The following RSF1 variants were observed in gnomAD, a reference collection of about 807,000 sequenced individuals.
RSF1 encodes HBV pX-associated protein 8.
RSF1 carries 13 observed loss-of-function variants against 145.2 expected under a neutral mutation model. That is an observed-to-expected ratio of 0.09 (90% CI 0.06 to 0.14). The LOEUF (loss-of-function observed/expected upper bound fraction) is 0.14. RSF1 is among the 10% of genes least tolerant of loss of function. The pLI, the probability that RSF1 is intolerant of heterozygous loss-of-function variation, is 1.00. For missense variants in RSF1, 1,517 were observed against 1,718.2 expected, an observed-to-expected ratio of 0.88 and a Z score of 2.07; for synonymous variants, 577 against 592.6, an observed-to-expected ratio of 0.97 and a Z score of 0.38.
chr11:77,697,448 AT>A (rs1190443913), intron 7 of RSF1, among the ~76,000 whole-genome samples: 1 of 29,218 alleles, frequency 3.4e-5, no homozygotes, highest in African/African-American at 2.5e-4. Flanking sequence ...ATATATATAT[AT>A]AAATATATTA....
At chr11:77,865,197 G>T in the RSF1 span, among the ~76,000 whole-genome samples, 3 of 152,114 alleles carry the variant, frequency 2.0e-5, no homozygotes, top group Non-Finnish European at 4.4e-5. Context: ...TTTAGTAATG[G>T]ATTACTTAGC....
chr11:77,830,407 A>G, the RSF1 span, among the ~76,000 whole-genome samples: 1 of 152,036 alleles, frequency 6.6e-6, no homozygotes, highest in Non-Finnish European at 1.5e-5. Flanking sequence ...ATCTATTGAG[A>G]AATCTAGCGC....
chr11:77,810,862 G>A (rs1251929992), intron 1 of RSF1, among the ~76,000 whole-genome samples: 2 of 152,176 alleles, frequency 1.3e-5, no homozygotes, highest in Non-Finnish European at 2.9e-5. Flanking sequence ...CTGGAATAAA[G>A]ATCAGTAAAT....
chr11:77,711,656 C>G (rs1329156121), intron 5 of RSF1, among the ~76,000 whole-genome samples: 1 of 150,454 alleles, frequency 6.6e-6, no homozygotes, highest in South Asian at 2.1e-4. Context: ...GCAAGAAGAG[C>G]GAAAGTCCGT....
intron 5 of RSF1, among the ~76,000 whole-genome samples, chr11:77,706,231 C>T (rs1324619994): frequency 2.2e-4 from 31 of 141,196 alleles, no homozygotes; most frequent in Non-Finnish European, 6.1e-5. Context: ...CAGAGTGAGA[C>T]TCTGTCTCCA....
At chr11:77,780,392 A>C (rs547795469) in intron 1 of RSF1, among the ~76,000 whole-genome samples, 13 of 152,230 alleles carry the variant, frequency 8.5e-5, no homozygotes, top group African/African-American at 2.2e-4. Flanking sequence ...TGTGCAATCA[A>C]CCATTCCATG....
At chr11:77,806,588 G>A (rs1457226740) in intron 1 of RSF1, among the ~76,000 whole-genome samples, 4 of 151,978 alleles carry the variant, frequency 2.6e-5, no homozygotes, top group African/African-American at 9.7e-5. Context: ...GGCTGAGGCA[G>A]GAAGATCACT....
chr11:77,801,573 G>C (rs145133248), intron 1 of RSF1, among the ~76,000 whole-genome samples: 230 of 152,304 alleles, frequency 1.5e-3, no homozygotes, highest in African/African-American at 5.2e-3. Flanking sequence ...TCCTGACACA[G>C]AGCTCCTAAA....
intron 6 of RSF1, among the ~76,000 whole-genome samples, chr11:77,699,331 G>A (rs901059398): frequency 6.6e-5 from 10 of 151,962 alleles, no homozygotes; most frequent in East Asian, 1.9e-4. Context: ...TTTTTATTGC[G>A]TAGTTTTATA....
chr11:77,872,092 T>C, the RSF1 span: 4 of 1,438,702 alleles, frequency 2.8e-6, no homozygotes, highest in Non-Finnish European at 3.8e-6. Context: ...TCTAATTCTG[T>C]AGAGTACACC....
chr11:77,827,945 C>A, the RSF1 span, among the ~76,000 whole-genome samples: 1 of 152,104 alleles, frequency 6.6e-6, no homozygotes, highest in Non-Finnish European at 1.5e-5. Context: ...CTCAAAAATC[C>A]TGTGTTATTC....
chr11:77,680,472 G>A (rs559335365), intron 11 of RSF1, among the ~76,000 whole-genome samples: 1 of 151,872 alleles, frequency 6.6e-6, no homozygotes, highest in South Asian at 2.1e-4. Context: ...GCTGGAGGCT[G>A]GAAGTGGCTG....
chr11:77,732,891 T>C (rs1026147817), intron 4 of RSF1, among the ~76,000 whole-genome samples: 5 of 152,176 alleles, frequency 3.3e-5, no homozygotes, highest in African/African-American at 1.2e-4. Context: ...CTAGAACTTA[T>C]CACAAATGGA....
intron 1 of RSF1, among the ~76,000 whole-genome samples, chr11:77,781,189 C>T (rs905486379): frequency 3.3e-5 from 5 of 152,086 alleles, no homozygotes; most frequent in Non-Finnish European, 7.3e-5. Flanking sequence ...CAACCTTCAC[C>T]TCCTGGGTTC....
At chr11:77,869,637 C>G in the RSF1 span, 1 of 1,324,990 alleles carries the variant, frequency 7.5e-7, no homozygotes, top group Non-Finnish European at 1.1e-6. Context: ...GTAGACATTT[C>G]TTGAATGAAT....
chr11:77,848,354 A>G, the RSF1 span, among the ~76,000 whole-genome samples: 1 of 152,012 alleles, frequency 6.6e-6, no homozygotes, highest in South Asian at 2.1e-4. Context: ...TAATATTACC[A>G]TTAACCTCAT....
chr11:77,797,192 T>G (rs889671225), intron 1 of RSF1, among the ~76,000 whole-genome samples: 1 of 152,116 alleles, frequency 6.6e-6, no homozygotes, highest in Non-Finnish European at 1.5e-5. Context: ...AAAAAGAGCC[T>G]GCATAGCCAA....
rs144772728 is a variant in RSF1 at position 77,817,591 on chromosome 11, G to C, written c.187+2937C>G. Reference sequence around the variant, plus strand: ...TGCCTTGGTGCAGTTTGGAAACCATGATACTATGGCAAGGTATATAATTTT... The same window carrying C: ...TGCCTTGGTGCAGTTTGGAAACCATCATACTATGGCAAGGTATATAATTTT... On this transcript the variant is annotated intron_variant, in intron 1 of 15. Coordinates refer to ENST00000308488, the MANE Select transcript of RSF1 (RefSeq NM_016578.4). 3.9e-5 allele frequency among the ~76,000 whole-genome samples: 6 copies of C among 152,308 alleles called. No individual in the cohort carries two copies. In the East Asian group the frequency reaches 7.7e-4, roughly 20 times the overall value.
Position 77,702,268 on chromosome 11 carries a change from G to T in RSF1, c.961C>A (p.Pro321Thr), listed in dbSNP as rs1170350264. 3 of 1,609,206 alleles carry T rather than the reference G, an allele frequency of 1.9e-6. No homozygotes were observed. Among genetic ancestry groups the T allele is most frequent in the Non-Finnish European group, 2.5e-6 (3 of 1,178,888 alleles). Residue 321 changes from proline to threonine, a missense_variant, in exon 6 of 16, where the codon CCC becomes ACC. Physicochemically the swap from Pro to Thr is conservative, Grantham distance 38 (BLOSUM62 -1). Coordinates refer to ENST00000308488, the MANE Select transcript of RSF1 (RefSeq NM_016578.4). Reference sequence around the variant, plus strand: ...CATTCCTTCACCTCAACTTTAATGGGTTTGACATTTTCCTTGAAGGAATCA... The same window carrying T: ...CATTCCTTCACCTCAACTTTAATGGTTTTGACATTTTCCTTGAAGGAATCA... Reference protein sequence around the residue: ...ESDSFKENVKPIKVEVKECRA... With the variant: ...ESDSFKENVKTIKVEVKECRA...
Sources: allele counts gnomAD v4.1 joint callset (sites outside exome capture counted in the v4.1 genomes callset), GRCh38; gene constraint gnomAD v4.1.1; transcripts MANE v1.5; gene names NCBI Gene and HGNC (gene_info 2026-07-23, HGNC 2026-07-21).